Variants in CNNM2 observed in about 807,000 individuals in gnomAD.
CNNM2 encodes the protein cyclin and CBS domain divalent metal cation transport mediator 2.
A neutral mutation model predicts 66.9 loss-of-function variants in CNNM2; 12 were observed. The observed-to-expected ratio is 0.18, with a 90% CI of 0.11 to 0.29. The LOEUF (loss-of-function observed/expected upper bound fraction) is 0.29. CNNM2 is among the 10% of genes least tolerant of loss of function. The pLI is 1.00. For synonymous variants in CNNM2, 557 were observed against 501.8 expected, an observed-to-expected ratio of 1.11 and a Z score of -1.47; for missense variants, 705 against 1,167.7, an observed-to-expected ratio of 0.60 and a Z score of 5.77.
chr10:103,038,050 G>A (rs1321286544), intron 1 of CNNM2, among the ~76,000 whole-genome samples: 2 of 152,094 alleles, frequency 1.3e-5, no homozygotes, highest in East Asian at 3.9e-4. Flanking sequence ...ATGTTGGCCA[G>A]CCTGGTCTCG....
chr10:102,952,087 G>A (rs1030895638), intron 1 of CNNM2, among the ~76,000 whole-genome samples: 1 of 152,030 alleles, frequency 6.6e-6, no homozygotes, highest in African/African-American at 2.4e-5. Flanking sequence ...ACAGGCGTGA[G>A]CCACCACGCC....
chr10:102,989,488 A>T (rs868402158), intron 1 of CNNM2, among the ~76,000 whole-genome samples: 10 of 125,834 alleles, frequency 7.9e-5, no homozygotes, highest in African/African-American at 1.5e-4. Context: ...AAGTGAGTTT[A>T]AAAAAAAAAT....
In CNNM2 at chr10:102,918,522, G is replaced by A. The variant is rs1845498901; in HGVS notation, c.42G>A (p.Ala14=). Residue 14 remains alanine, a synonymous_variant, in exon 1 of 8, where the codon GCG becomes GCA. Coordinates refer to ENST00000369878, the MANE Select transcript of CNNM2 (RefSeq NM_017649.5). The surrounding 1 kb of genome is among the most constrained non-coding windows in gnomAD (Gnocchi z 4.1). ...CGACEPKVKM[A]GGQAAAALPT... ...CTTGTGAACCCAAAGTAAAGATGGCGGGCGGGCAGGCAGCCGCCGCACTGC... is the reference window on the plus strand; with the variant it reads ...CTTGTGAACCCAAAGTAAAGATGGCAGGCGGGCAGGCAGCCGCCGCACTGC... 2 of 1,604,890 alleles carry A rather than the reference G, an allele frequency of 1.2e-6. No homozygotes were observed. The highest frequency in any genetic ancestry group is 1.4e-5 in the African/African-American group (1 of 73,918).
At chr10:103,062,567 A>G (rs796400433) in intron 4 of CNNM2, among the ~76,000 whole-genome samples, 14 of 152,232 alleles carry the variant, frequency 9.2e-5, no homozygotes, top group South Asian at 6.2e-4. Context: ...ACTCTTATAT[A>G]TAACTATAAA....
chr10:102,940,235 T>A (rs1846380082), intron 1 of CNNM2, among the ~76,000 whole-genome samples: 2 of 151,970 alleles, frequency 1.3e-5, no homozygotes, highest in Non-Finnish European at 2.9e-5. Flanking sequence ...ATTACAGGTG[T>A]GAGCCACTGC....
chr10:103,062,406 A>T (rs2065402861), intron 4 of CNNM2, among the ~76,000 whole-genome samples: 1 of 152,174 alleles, frequency 6.6e-6, no homozygotes. Flanking sequence ...CGGTCTGTGT[A>T]CCCTAGTGCA....
At chr10:102,950,756 AAAG>A (rs964251567) in intron 1 of CNNM2, among the ~76,000 whole-genome samples, 108 of 152,238 alleles carry the variant, frequency 7.1e-4, no homozygotes, top group Non-Finnish European at 3.4e-4. Context: ...GTCTCAAAAA[AAAG>A]AAAAAGAAAA....
intron 1 of CNNM2, among the ~76,000 whole-genome samples, chr10:103,015,728 C>A (rs1259868438): frequency 1.3e-5 from 2 of 152,132 alleles, no homozygotes; most frequent in African/African-American, 2.4e-5. Flanking sequence ...TGCTGCACGT[C>A]TGTAATCCCA....
intron 1 of CNNM2, among the ~76,000 whole-genome samples, chr10:103,004,610 G>T (rs988856326): frequency 6.6e-6 from 1 of 152,172 alleles, no homozygotes; most frequent in African/African-American, 2.4e-5. Context: ...ACTGGCTGTG[G>T]ACCACACTTT....
At chr10:102,926,398 T>G (rs1845861288) in intron 1 of CNNM2, among the ~76,000 whole-genome samples, 1 of 152,144 alleles carries the variant, frequency 6.6e-6, no homozygotes, top group Non-Finnish European at 1.5e-5. Flanking sequence ...TTTATGGGGA[T>G]TACACACTAT....
intron 1 of CNNM2, among the ~76,000 whole-genome samples, chr10:103,045,973 A>C (rs961415607): frequency 2.6e-5 from 4 of 152,306 alleles, no homozygotes; most frequent in African/African-American, 9.6e-5. Flanking sequence ...CACTTTGTAC[A>C]TTTAATAATA....
rs148690895 is a variant in CNNM2, at chr10:103,020,555, T to A, written c.1622-29152T>A. On this transcript the variant is annotated intron_variant, in intron 1 of 7. Coordinates refer to ENST00000369878, the MANE Select transcript of CNNM2 (RefSeq NM_017649.5). ...GTTTTAAGCTTTGGGAATACAACAA[T>A]AAACAATAACAGATGAGAATCCCTG... Among the ~76,000 whole-genome samples the A allele has an allele frequency of 2.9e-3, 449 of 152,292 alleles. 4 individuals are homozygous for A. The highest frequency in any genetic ancestry group is 1.6e-3 in the Non-Finnish European group (108 of 68,018).
chr10:103,045,555 G>A (rs1024238608), intron 1 of CNNM2, among the ~76,000 whole-genome samples: 3 of 152,024 alleles, frequency 2.0e-5, no homozygotes, highest in South Asian at 2.1e-4. Context: ...AACTTAAAGT[G>A]TTAACTAAAC....
At chr10:102,944,181 C>T (rs975722573) in intron 1 of CNNM2, among the ~76,000 whole-genome samples, 6 of 150,422 alleles carry the variant, frequency 4.0e-5, no homozygotes, top group African/African-American at 1.5e-4. Context: ...TGGGTTCAAG[C>T]AATTCTCCTG....
Position 102,976,937 on chromosome 10 carries a change from T to G in CNNM2, c.1621+56836T>G, listed in dbSNP as rs372247665. Among the ~76,000 whole-genome samples, 4 of 152,182 alleles carry G rather than the reference T, an allele frequency of 2.6e-5. No individual in the cohort carries two copies. In the East Asian group the frequency reaches 7.7e-4, roughly 29 times the overall value. ...TTTCATTTATGCTACTTCCTTGTTT[T>G]GGCATTTCTGAGATATTGCTGTTAA... On this transcript the variant is annotated intron_variant, in intron 1 of 7. Coordinates refer to ENST00000369878, the MANE Select transcript of CNNM2 (RefSeq NM_017649.5).
intron 1 of CNNM2, among the ~76,000 whole-genome samples, chr10:103,010,584 G>T (rs182830508): frequency 6.6e-6 from 1 of 151,994 alleles, no homozygotes; most frequent in East Asian, 1.9e-4. Context: ...GATAAACACT[G>T]AAATGTTAAA....
chr10:102,989,948 C>CT lies in CNNM2; in HGVS notation c.1622-59745dup, dbSNP rs35468777. 9.6e-3 allele frequency among the ~76,000 whole-genome samples: 1,373 copies of CT among 142,870 alleles called. 18 individuals are homozygous for CT. The highest frequency in any genetic ancestry group is 0.028 in the African/African-American group (1,093 of 39,154). The allele number at this position is 142,870 out of a possible 152,430, so 93.7% of individuals were successfully genotyped here. On this transcript the variant is annotated intron_variant, in intron 1 of 7. Coordinates refer to ENST00000369878, the MANE Select transcript of CNNM2 (RefSeq NM_017649.5). ...CCTCTTACTTTTCATATCCATTAAA[C>CT]TTTTTTTTTTTTTTGAGACAGAGTC... is the stretch of plus-strand genomic sequence containing the variant.
rs1046411 is a variant in CNNM2, at chr10:103,078,059, G to A, written c.*879G>A. On this transcript the variant is annotated 3_prime_UTR_variant, in exon 8 of 8. Coordinates refer to ENST00000369878, the MANE Select transcript of CNNM2 (RefSeq NM_017649.5). ...GCGCCTAAGCTCACAGAGTGTCGTC[G>A]CCCACCTCCCTGGTCCTTGCTCTTG... 0.32 allele frequency: 47,996 copies of A among 152,214 alleles called. 7,739 individuals are homozygous for A. Among genetic ancestry groups the A allele is most frequent in the Middle Eastern group, 0.38 (111 of 294 alleles). 9.4% of individuals were successfully genotyped at this position (152,214 alleles called of 1,614,324 possible).
At chr10:103,062,799 C>T (rs957298477) in intron 4 of CNNM2, among the ~76,000 whole-genome samples, 1 of 152,192 alleles carries the variant, frequency 6.6e-6, no homozygotes, top group Non-Finnish European at 1.5e-5. Flanking sequence ...ATTATTTGGC[C>T]TCCACTGGGT....
Sources: gnomAD v4.1 joint callset for allele counts (sites outside exome capture counted in the v4.1 genomes callset) on GRCh38, gnomAD v4.1.1 for gene constraint, Gnocchi (gnomAD v3.1) non-coding constraint, MANE v1.5 for transcripts, NCBI Gene and HGNC (gene_info 2026-07-23, HGNC 2026-07-21) for gene names.